The following DGKI variants were observed in gnomAD, a reference collection of about 807,000 sequenced individuals.
The protein encoded by DGKI is diacylglycerol kinase iota.
A neutral mutation model predicts 147.5 loss-of-function variants in DGKI; 55 were observed. The ratio of observed to expected loss-of-function variants is 0.37; its 90% CI spans 0.30 to 0.47. DGKI has a LOEUF of 0.47. Ranked by LOEUF, DGKI falls within the 20% of genes least tolerant of loss-of-function variation. DGKI has a pLI of 1.00. For missense variants in DGKI, 1,007 were observed against 1,323.8 expected (o/e 0.76, Z 3.71); for synonymous variants, 469 against 477.1 (o/e 0.98, Z 0.22).
intron 1 of DGKI, among the ~76,000 whole-genome samples, chr7:137,830,242 C>T (rs1798178920): frequency 6.6e-6 from 1 of 152,136 alleles, no homozygotes; most frequent in South Asian, 2.1e-4. Flanking sequence ...CATACTAATC[C>T]CTATCCACAA....
At chr7:137,585,052 A>G (rs1819337520) in intron 14 of DGKI, among the ~76,000 whole-genome samples, 157 bp downstream of exon 14, 1 of 152,212 alleles carries the variant, frequency 6.6e-6, no homozygotes, top group Admixed American at 6.5e-5. Flanking sequence ...ATTAGGTGGT[A>G]ATATTATACA....
intron 12 of DGKI, among the ~76,000 whole-genome samples, chr7:137,594,961 G>A (rs1038914967): frequency 1.3e-5 from 2 of 152,144 alleles, no homozygotes; most frequent in African/African-American, 4.8e-5. Context: ...GTTTAAATGT[G>A]CCAACTCTAG....
intron 2 of DGKI, among the ~76,000 whole-genome samples, chr7:137,686,967 C>T (rs959882642): frequency 4.6e-5 from 7 of 152,240 alleles, no homozygotes; most frequent in Admixed American, 1.3e-4. Context: ...ACACCATGAA[C>T]GTTTTTTTTA....
chr7:137,828,725 T>C (rs1192036558), intron 1 of DGKI, among the ~76,000 whole-genome samples: 1 of 152,232 alleles, frequency 6.6e-6, no homozygotes, highest in Non-Finnish European at 1.5e-5. Flanking sequence ...GCTTTTGCTC[T>C]GTCCTTGAAG....
At chr7:137,776,857 G>A (rs1376579651) in intron 1 of DGKI, among the ~76,000 whole-genome samples, 1 of 151,888 alleles carries the variant, frequency 6.6e-6, no homozygotes, top group African/African-American at 2.4e-5. Flanking sequence ...GAGAAAAGGA[G>A]GAGTAATGAG....
intron 20 of DGKI, among the ~76,000 whole-genome samples, chr7:137,529,274 C>T (rs1817255910): frequency 6.6e-6 from 1 of 152,082 alleles, no homozygotes; most frequent in Admixed American, 6.5e-5. Context: ...TGATTCACCA[C>T]TATGTAATCT....
At chr7:137,654,166 C>G (rs1296740855) in intron 5 of DGKI, among the ~76,000 whole-genome samples, 1 of 151,754 alleles carries the variant, frequency 6.6e-6, no homozygotes, top group Non-Finnish European at 1.5e-5. Flanking sequence ...GGACTGAGAA[C>G]TGAATATAGT....
chr7:137,667,982 C>T (rs550159728), intron 3 of DGKI, among the ~76,000 whole-genome samples: 14 of 152,278 alleles, frequency 9.2e-5, no homozygotes, highest in African/African-American at 1.7e-4. Flanking sequence ...CAAGTAGGTA[C>T]GACTTACCCA....
intron 1 of DGKI, among the ~76,000 whole-genome samples, chr7:137,720,879 T>C (rs918735199): frequency 2.6e-5 from 4 of 152,186 alleles, no homozygotes; most frequent in East Asian, 1.9e-4. Context: ...AAAAAAGCTT[T>C]TTTACTATCG....
At chr7:137,684,373 T>A (rs1823343085) in intron 2 of DGKI, among the ~76,000 whole-genome samples, 1 of 152,258 alleles carries the variant, frequency 6.6e-6, no homozygotes, top group Admixed American at 6.5e-5. Flanking sequence ...ATATATTTGC[T>A]TAAACAAAAT....
chr7:137,553,372 C>G (rs968386582), intron 19 of DGKI, among the ~76,000 whole-genome samples: 5 of 152,192 alleles, frequency 3.3e-5, no homozygotes, highest in South Asian at 4.2e-4. Flanking sequence ...ATAAGATCAA[C>G]AAAATGCAAA....
intron 19 of DGKI, among the ~76,000 whole-genome samples, chr7:137,558,965 G>C (rs1646395): frequency 0.1 from 14,703 of 142,338 alleles, 1,716 homozygotes; most frequent in African/African-American, 0.29. Flanking sequence ...AAAATAATTC[G>C]ATAAATTCAG....
At position 137,585,068 on chromosome 7, in the gene DGKI, C is replaced by T. The variant is rs537467922; in HGVS notation, c.1563+141G>A. 10 of 927,050 alleles carry T rather than the reference C, an allele frequency of 1.1e-5. No homozygotes were observed. The East Asian group carries it at 2.5e-4, about 23-fold the overall frequency. 57.4% of individuals were successfully genotyped at this position (927,050 alleles called of 1,614,324 possible). On this transcript the variant is annotated intron_variant, in intron 14 of 32. Transcript: ENST00000614521. ...TTAGGTGGTAATATTATACACATAG[C>T]CCCAGTAGCCATCAACTCAAATATT...
rs1198884070 is a variant in DGKI, at chr7:137,429,088, T to A, written c.2761+14989A>T. Among the ~76,000 whole-genome samples the A allele has an allele frequency of 7.2e-5, 11 of 152,238 alleles. No homozygotes were observed. The South Asian group carries it at 2.3e-3, about 32-fold the overall frequency. On this transcript the variant is annotated intron_variant, in intron 28 of 32. Transcript: ENST00000614521. The stretch of plus-strand genomic sequence containing the variant: ...ATATGGAACCAAAAAAGAGCCCACA[T>A]CACCAAGTCAATCCTAAGCCAAAAG...
intron 1 of DGKI, among the ~76,000 whole-genome samples, chr7:137,825,619 C>T (rs1422610469): frequency 6.6e-6 from 1 of 151,848 alleles, no homozygotes; most frequent in Admixed American, 6.6e-5. Flanking sequence ...CACACAGACA[C>T]ACACACACTC....
chr7:137,753,953 TA>T (rs1433977479), intron 1 of DGKI, among the ~76,000 whole-genome samples: 1 of 151,740 alleles, frequency 6.6e-6, no homozygotes, highest in Non-Finnish European at 1.5e-5. Flanking sequence ...ATTACAACAT[TA>T]AAAAAGAGGA....
chr7:137,451,202 G>A (rs1010552785), intron 27 of DGKI, among the ~76,000 whole-genome samples: 13 of 56,194 alleles, frequency 2.3e-4, no homozygotes, highest in African/African-American at 5.7e-4. Context: ...AGGTTCCCAA[G>A]GAAGTAAGTT....
intron 6 of DGKI, among the ~76,000 whole-genome samples, chr7:137,638,659 C>T (rs1439678627): frequency 7.8e-5 from 5 of 64,144 alleles, no homozygotes; most frequent in African/African-American, 1.6e-4. Context: ...TATATACACA[C>T]ATATGTATAT....
intron 1 of DGKI, among the ~76,000 whole-genome samples, chr7:137,835,071 A>G (rs1200655493): frequency 6.6e-6 from 1 of 152,228 alleles, no homozygotes; most frequent in East Asian, 1.9e-4. Flanking sequence ...CGAAAGCTCA[A>G]TACAATGAAA....
Sources: allele counts gnomAD v4.1 joint callset (sites outside exome capture counted in the v4.1 genomes callset), GRCh38; gene constraint gnomAD v4.1.1; transcripts MANE v1.5; gene names NCBI Gene and HGNC (gene_info 2026-07-23, HGNC 2026-07-21).